The following SLC30A5 variants were observed in gnomAD, a reference collection of about 807,000 sequenced individuals.
SLC30A5 encodes proton-coupled zinc antiporter SLC30A5.
Under a neutral mutation model 79.6 loss-of-function variants are expected in SLC30A5, and 33 were observed. The observed-to-expected ratio is 0.41, with a 90% confidence interval of 0.31 to 0.55. The LOEUF is 0.55. Among genes scored for constraint, SLC30A5 ranks in the 20% least tolerant of loss-of-function variants. The probability of loss-of-function intolerance (pLI) is 0.20; values close to 1 mark genes in which losing one functional copy is unlikely to be tolerated. For synonymous variants in SLC30A5, 299 were observed against 319.7 expected, an observed-to-expected ratio of 0.94 and a Z score of 0.69; for missense variants, 788 against 928.1, an observed-to-expected ratio of 0.85 and a Z score of 1.96.
In SLC30A5 at chr5:69,094,197, C is replaced by A; in HGVS notation, c.-59C>A. 1 of 888,762 alleles carries A rather than the reference C, an allele frequency of 1.1e-6. No homozygotes were observed. Among genetic ancestry groups the A allele is most frequent in the Non-Finnish European group, 1.5e-6 (1 of 660,236 alleles). The allele number at this position is 888,762 out of a possible 1,614,324, so 55.1% of individuals were successfully genotyped here. ...GCCTGCACCCGCTGTTCCGCGGCAG[C>A]GGCGAGACATGAGGAGACCCCGCGA... is the stretch of plus-strand genomic sequence containing the variant. On this transcript the variant is annotated 5_prime_UTR_variant, in exon 1 of 16. Coordinates refer to ENST00000396591, the MANE Select transcript of SLC30A5 (RefSeq NM_022902.5).
chr5:69,129,734 C>A lies in SLC30A5; in HGVS notation c.*117C>A. The A allele has an allele frequency of 1.2e-6, 1 of 815,922 alleles. No individual in the cohort carries two copies. Among genetic ancestry groups the A allele is most frequent in the Non-Finnish European group, 1.8e-6 (1 of 557,632 alleles). The allele number at this position is 815,922 out of a possible 1,614,324, so 50.5% of individuals were successfully genotyped here. A position where few individuals can be genotyped will look rare whatever the true frequency, so the allele number is the denominator to read the frequency against. The stretch of plus-strand genomic sequence containing the variant: ...AACTGTACAGAAACAGAGTTCCCTA[C>A]TACTGGATCAAGGAATCTTTCTTGA... On this transcript the variant is annotated 3_prime_UTR_variant, in exon 16 of 16. Transcript: ENST00000396591.
intron 4 of SLC30A5, among the ~76,000 whole-genome samples, chr5:69,106,798 C>T (rs1746092687): frequency 6.6e-6 from 1 of 152,064 alleles, no homozygotes; most frequent in African/African-American, 2.4e-5. Context: ...ACACATTGTA[C>T]AACTGTACAA....
chr5:69,127,966 C>A (rs1746747025), intron 14 of SLC30A5, 38 bp from the exon 15 acceptor site: 1 of 1,568,376 alleles, frequency 6.4e-7, no homozygotes, highest in Non-Finnish European at 8.7e-7. Flanking sequence ...TGTAAAGTAG[C>A]CTGTATGACC....
intron 15 of SLC30A5, 38 bp downstream of exon 15, chr5:69,128,170 A>T (rs1746753688): frequency 1.9e-6 from 3 of 1,556,832 alleles, no homozygotes; most frequent in Non-Finnish European, 2.6e-6. Flanking sequence ...AATTGAGGTC[A>T]TTCATACCCA....
chr5:69,101,179 T>G (rs1745906220), intron 2 of SLC30A5, among the ~76,000 whole-genome samples: 1 of 152,190 alleles, frequency 6.6e-6, no homozygotes. Flanking sequence ...ATTTAGTTTT[T>G]GGGCTATTTA....
At chr5:69,126,168 T>G (rs1474542254) in intron 14 of SLC30A5, among the ~76,000 whole-genome samples, 1 of 151,820 alleles carries the variant, frequency 6.6e-6, no homozygotes, top group Non-Finnish European at 1.5e-5. Context: ...ATTAAAGTAA[T>G]TGGGATCTGC....
At chr5:69,099,079 A>G (rs1328340010) in intron 1 of SLC30A5, among the ~76,000 whole-genome samples, 1 of 152,220 alleles carries the variant, frequency 6.6e-6, no homozygotes, top group Non-Finnish European at 1.5e-5. Context: ...ATTCTGCAAT[A>G]AACTACAATA....
Position 69,128,044 on chromosome 5 carries a change from AT to A in SLC30A5, c.2044del (p.Trp682GlyfsTer16). The part of the protein sequence containing the change: ...IEGLISYRDP[H>X]FWRHSASIVA... Reference sequence around the variant, plus strand: ...GGATTAATATCATACCGAGACCCTCATTTTTGGCGTCATTCTGCTAGTATTG... The same window carrying A: ...GGATTAATATCATACCGAGACCCTCATTTTGGCGTCATTCTGCTAGTATTG... On this transcript the variant is annotated frameshift_variant, in exon 15 of 16. Coordinates refer to ENST00000396591, the MANE Select transcript of SLC30A5 (RefSeq NM_022902.5). LOFTEE classifies it high-confidence loss of function. 2 of 1,612,114 alleles carry A rather than the reference AT, an allele frequency of 1.2e-6. No individual in the cohort carries two copies. Among genetic ancestry groups the A allele is most frequent in the Non-Finnish European group, 1.7e-6 (2 of 1,178,630 alleles).
rs1746335911 is a variant in SLC30A5, at chr5:69,115,285, C to T, written c.661C>T (p.His221Tyr). The T allele has an allele frequency of 6.2e-7, 1 of 1,613,078 alleles. No homozygotes were observed. The highest frequency in any genetic ancestry group is 8.5e-7 in the Non-Finnish European group (1 of 1,179,712). ...GGCTTTGTGTTGTAAAGTTGGTTTT[C>T]ATACAGCTTCCAGAAAGCTCTCTGT... is the stretch of plus-strand genomic sequence containing the variant. ...VLALCCKVGF[H>Y]TASRKLSVDV... Residue 221 changes from histidine to tyrosine, a missense_variant, in exon 8 of 16, where the codon CAT (histidine) becomes TAT (tyrosine). Around this residue, in one of 3 missense-constraint regions of SLC30A5, gnomAD observed 626 missense variants for 755.5 expected, o/e 0.83. Coordinates refer to ENST00000396591, the MANE Select transcript of SLC30A5 (RefSeq NM_022902.5).
intron 11 of SLC30A5, chr5:69,118,294 AACG>A (rs1465405752): frequency 4.1e-5 from 4 of 97,164 alleles, no homozygotes; most frequent in East Asian, 3.8e-4. Context: ...ATTCATATAT[AACG>A]TGTATATATA....
Position 69,123,184 on chromosome 5 carries a change from A to G in SLC30A5, c.1772-15A>G. ...GTGCCTTAATTTTTAATGTCCTTAT[A>G]TATTTTATTTGTAGGTGTATTTCTA... On this transcript the variant is annotated splice_polypyrimidine_tract_variant and intron_variant, in intron 13 of 15. Coordinates refer to ENST00000396591, the MANE Select transcript of SLC30A5 (RefSeq NM_022902.5). 5.8e-6 allele frequency: 9 copies of G among 1,551,554 alleles called. No individual in the cohort carries two copies. The highest frequency in any genetic ancestry group is 7.9e-6 in the Non-Finnish European group (9 of 1,138,332).
intron 1 of SLC30A5, among the ~76,000 whole-genome samples, chr5:69,094,907 C>A (rs530551449): frequency 1.1e-4 from 16 of 152,032 alleles, no homozygotes; most frequent in Non-Finnish European, 2.2e-4. Flanking sequence ...CAAAGCAATT[C>A]ATAGAGTAAA....
At chr5:69,100,607 T>A (rs1000822192) in intron 1 of SLC30A5, among the ~76,000 whole-genome samples, 200 bp from the exon 2 acceptor site, 1 of 49,402 alleles carries the variant, frequency 2.0e-5, no homozygotes. Context: ...CCCGTCTCTA[T>A]GAGTTAAAAA....
At chr5:69,095,944 C>G (rs929386458) in intron 1 of SLC30A5, among the ~76,000 whole-genome samples, 1 of 151,874 alleles carries the variant, frequency 6.6e-6, no homozygotes, top group African/African-American at 2.4e-5. Context: ...TGGTATGCGC[C>G]TGTAATCCCA....
At chr5:69,123,714 T>G (rs1432715529) in intron 14 of SLC30A5, among the ~76,000 whole-genome samples, 2 of 152,198 alleles carry the variant, frequency 1.3e-5, no homozygotes, top group Admixed American at 1.3e-4. Context: ...TTATTTTATT[T>G]AGATTTCAAT....
At chr5:69,109,356 A>T (rs925238117) in intron 5 of SLC30A5, among the ~76,000 whole-genome samples, 7 of 140,968 alleles carry the variant, frequency 5.0e-5, no homozygotes, top group Non-Finnish European at 8.0e-5. Context: ...ATCAAAAATT[A>T]AAAAAAAAAA....
At position 69,118,432 on chromosome 5, in the gene SLC30A5, T is replaced by G. The variant is rs945413005; in HGVS notation, c.1440-67T>G. 2.8e-6 allele frequency: 4 copies of G among 1,404,474 alleles called. No individual in the cohort carries two copies. The Middle Eastern group carries it at 7.6e-4, about 266-fold the overall frequency. The allele number at this position is 1,404,474 out of a possible 1,614,324, so 87.0% of individuals were successfully genotyped here. A position where few individuals can be genotyped will look rare whatever the true frequency, so the allele number is the denominator to read the frequency against. Reference sequence around the variant, plus strand: ...ATGAAAATTTGGACTTGTTTCCTCATTTATAAAGTTTATACTTTAAAAATA... The same window carrying G: ...ATGAAAATTTGGACTTGTTTCCTCAGTTATAAAGTTTATACTTTAAAAATA... On this transcript the variant is annotated intron_variant, in intron 11 of 15. Transcript: ENST00000396591.
intron 3 of SLC30A5, chr5:69,104,140 T>TTTTC (rs1561288753): frequency 3.0e-6 from 4 of 1,349,096 alleles, no homozygotes; most frequent in Middle Eastern, 2.2e-4. Flanking sequence ...TCCTTTTTTT[T>TTTTC]TTTCTTTCTT....
chr5:69,094,993 A>G (rs964495918), intron 1 of SLC30A5, among the ~76,000 whole-genome samples: 2 of 152,178 alleles, frequency 1.3e-5, no homozygotes, highest in Admixed American at 1.3e-4. Flanking sequence ...TGCAGCGACC[A>G]CTTTCTAGTG....
Sources: allele counts gnomAD v4.1 joint callset (sites outside exome capture counted in the v4.1 genomes callset), GRCh38; gene constraint gnomAD v4.1.1; regional missense constraint gnomAD v4.1.1; transcripts MANE v1.5; gene names NCBI Gene and HGNC (gene_info 2026-07-23, HGNC 2026-07-21).